DPP10: variants seen among roughly 807,000 people sequenced by gnomAD.
DPP10 encodes dipeptidyl peptidase like 10, also known as inactive dipeptidyl peptidase 10.
A neutral mutation model predicts 120.9 loss-of-function variants in DPP10; 33 were observed. The observed-to-expected ratio is 0.27, with a 90% confidence interval of 0.21 to 0.37. DPP10 has a LOEUF of 0.37. Among genes scored for constraint, DPP10 ranks in the 10% least tolerant of loss-of-function variants. The pLI, the probability that DPP10 is intolerant of heterozygous loss-of-function variation, is 1.00. For synonymous variants in DPP10, 337 were observed against 326.1 expected (o/e 1.03, Z -0.36); for missense variants, 816 against 942.8 (o/e 0.87, Z 1.76).
intron 1 of DPP10, among the ~76,000 whole-genome samples, chr2:114,693,526 C>A (rs189872249): frequency 6.6e-6 from 1 of 151,770 alleles, no homozygotes; most frequent in Admixed American, 6.6e-5. Flanking sequence ...TCTTTCATTT[C>A]GATTTTGGAG....
intron 1 of DPP10, among the ~76,000 whole-genome samples, chr2:115,141,857 T>C (rs2050944251): frequency 6.6e-6 from 1 of 152,098 alleles, no homozygotes; most frequent in Non-Finnish European, 1.5e-5. Flanking sequence ...CACTGCAACA[T>C]CCACCTCCCT....
At chr2:114,987,660 C>A (rs1011807585) in intron 1 of DPP10, among the ~76,000 whole-genome samples, 11 of 152,116 alleles carry the variant, frequency 7.2e-5, no homozygotes, top group Non-Finnish European at 1.0e-4. Flanking sequence ...AATTGGAGTT[C>A]TTAAGCACTT....
At chr2:115,526,193 T>C in intron 5 of DPP10, 1 of 437,884 alleles carries the variant, frequency 2.3e-6, no homozygotes. Context: ...CCAGTGCCTG[T>C]GCTGATCCAA....
chr2:115,244,239 T>TATATATATAG (rs1348001277), intron 1 of DPP10, among the ~76,000 whole-genome samples: 13 of 93,474 alleles, frequency 1.4e-4, no homozygotes, highest in Admixed American at 1.2e-4. Flanking sequence ...TATATATATA[T>TATATATATAG]AGAGAGAGAG....
intron 3 of DPP10, among the ~76,000 whole-genome samples, chr2:115,384,668 G>T (rs1349890804): frequency 2.8e-5 from 4 of 144,788 alleles, no homozygotes; most frequent in Non-Finnish European, 4.6e-5. Flanking sequence ...AGAAGAAGAA[G>T]AAGGAAGAAG....
At chr2:114,558,969 A>G (rs183855911) in intron 1 of DPP10, among the ~76,000 whole-genome samples, 18 of 152,338 alleles carry the variant, frequency 1.2e-4, no homozygotes, top group Middle Eastern at 3.4e-3. Context: ...TCCATGCCCA[A>G]GTATATCTCC....
At chr2:115,486,144 T>A (rs537255641) in intron 3 of DPP10, among the ~76,000 whole-genome samples, 5 of 152,264 alleles carry the variant, frequency 3.3e-5, no homozygotes, top group Non-Finnish European at 7.4e-5. Context: ...ATATAAAAAA[T>A]TATTGTCTTT....
intron 1 of DPP10, among the ~76,000 whole-genome samples, chr2:114,940,501 G>A (rs1018471475): frequency 6.6e-6 from 1 of 150,546 alleles, no homozygotes; most frequent in Non-Finnish European, 1.5e-5. Flanking sequence ...AGTAGTTAGT[G>A]TTGTGACAAT....
At chr2:115,803,929 C>G (rs878856045) in intron 19 of DPP10, among the ~76,000 whole-genome samples, 3 of 152,096 alleles carry the variant, frequency 2.0e-5, no homozygotes, top group Non-Finnish European at 2.9e-5. Context: ...TCTTCTCGAG[C>G]AGTATCTTTG....
intron 7 of DPP10, among the ~76,000 whole-genome samples, chr2:115,700,955 G>A (rs972415422): frequency 2.0e-5 from 3 of 152,040 alleles, no homozygotes; most frequent in East Asian, 1.9e-4. Flanking sequence ...CATAATAAAT[G>A]TAAAGGCATA....
chr2:115,776,675 A>G (rs1400619285), intron 13 of DPP10, among the ~76,000 whole-genome samples: 2 of 152,246 alleles, frequency 1.3e-5, no homozygotes, highest in South Asian at 2.1e-4. Flanking sequence ...TGTTTTTTAC[A>G]TATTAAAATG....
intron 3 of DPP10, among the ~76,000 whole-genome samples, chr2:115,369,103 G>A (rs1574583773): frequency 6.6e-6 from 1 of 151,948 alleles, no homozygotes; most frequent in African/African-American, 2.4e-5. Flanking sequence ...CATGCCGGAT[G>A]CTAATCTTTA....
chr2:115,039,556 C>A (rs1704478877), intron 1 of DPP10, among the ~76,000 whole-genome samples: 1 of 151,964 alleles, frequency 6.6e-6, no homozygotes, highest in Admixed American at 6.6e-5. Flanking sequence ...TGTTTTTGAC[C>A]TGGAAAATTT....
chr2:114,741,982 A>T (rs182825716), intron 1 of DPP10, among the ~76,000 whole-genome samples: 20 of 152,318 alleles, frequency 1.3e-4, no homozygotes, highest in Admixed American at 2.6e-4. Context: ...GATTTACCTA[A>T]CACCACAAGG....
intron 1 of DPP10, among the ~76,000 whole-genome samples, chr2:114,846,627 G>A (rs2106469427): frequency 6.6e-6 from 1 of 151,464 alleles, no homozygotes; most frequent in African/African-American, 2.4e-5. Context: ...TGGCCAAAGT[G>A]TTAATCTTCT....
rs866489337 is a variant in DPP10, at chr2:115,712,542, A to T, written c.577-15274A>T. On this transcript the variant is annotated intron_variant, in intron 7 of 25. Coordinates refer to ENST00000410059, the MANE Select transcript of DPP10 (RefSeq NM_020868.6). ...AAATAGCTTTGAAGAGTCCTGAATT[A>T]AATATATATATATATATATATATAA... is the stretch of plus-strand genomic sequence containing the variant. Among the ~76,000 whole-genome samples the T allele has an allele frequency of 2.0e-3, 142 of 72,394 alleles. 2 individuals are homozygous for T. The highest frequency in any genetic ancestry group is 9.9e-3 in the East Asian group (12 of 1,212). The allele number at this position is 72,394 out of a possible 152,430, so 47.5% of individuals were successfully genotyped here. A position where few individuals can be genotyped will look rare whatever the true frequency, so the allele number is the denominator to read the frequency against.
rs940608949 is a variant in DPP10, at chr2:115,221,283, C to T, written c.61-87956C>T. ...TAGGTGTACTTTAAATGAGAATGTT[C>T]TCTTTAGGGTAGTGTAGTCCCCACC... On this transcript the variant is annotated intron_variant, in intron 1 of 25. Coordinates refer to ENST00000410059, the MANE Select transcript of DPP10 (RefSeq NM_020868.6). Among the ~76,000 whole-genome samples the T allele has an allele frequency of 2.0e-5, 3 of 152,196 alleles. 1 individual carries two copies. The highest frequency in any genetic ancestry group is 2.4e-5 in the African/African-American group (1 of 41,546).
chr2:114,837,673 T>C (rs1196073399), intron 1 of DPP10, among the ~76,000 whole-genome samples: 2 of 152,214 alleles, frequency 1.3e-5, no homozygotes, highest in African/African-American at 4.8e-5. Flanking sequence ...TCATCTATGC[T>C]GTAGTAACAA....
chr2:115,005,363 C>G (rs373443696), intron 1 of DPP10, among the ~76,000 whole-genome samples: 6 of 152,022 alleles, frequency 3.9e-5, no homozygotes, highest in South Asian at 4.1e-4. Flanking sequence ...CAAAGCTGGA[C>G]GGAGAATGAC....
Sources: gnomAD v4.1 joint callset for allele counts (sites outside exome capture counted in the v4.1 genomes callset) on GRCh38, gnomAD v4.1.1 for gene constraint, MANE v1.5 for transcripts, NCBI Gene and HGNC (gene_info 2026-07-23, HGNC 2026-07-21) for gene names.